The following DPP10 variants were observed in gnomAD, a reference collection of about 807,000 sequenced individuals.
The protein encoded by DPP10 is dipeptidyl peptidase like 10, also known as inactive dipeptidyl peptidase 10.
Under a neutral mutation model 120.9 loss-of-function variants are expected in DPP10, and 33 were observed. That is an observed-to-expected ratio of 0.27 (90% CI 0.21 to 0.37). The LOEUF (loss-of-function observed/expected upper bound fraction) is 0.37. DPP10 is among the 10% of genes least tolerant of loss of function. The pLI is 1.00. For synonymous variants in DPP10, 337 were observed against 326.1 expected (o/e 1.03, Z -0.36); for missense variants, 816 against 942.8 (o/e 0.87, Z 1.76).
At chr2:115,459,490 A>G (rs2073850078) in intron 3 of DPP10, among the ~76,000 whole-genome samples, 1 of 152,110 alleles carries the variant, frequency 6.6e-6, no homozygotes, top group Non-Finnish European at 1.5e-5. Context: ...TTTTCTAACC[A>G]CATGAAAGAG....
chr2:114,928,546 T>C (rs1695815014), intron 1 of DPP10, among the ~76,000 whole-genome samples: 1 of 152,188 alleles, frequency 6.6e-6, no homozygotes, highest in African/African-American at 2.4e-5. Flanking sequence ...GCAATCCCCC[T>C]GGCTGGCTGC....
At chr2:114,677,048 G>T (rs1194718210) in intron 1 of DPP10, among the ~76,000 whole-genome samples, 1 of 152,060 alleles carries the variant, frequency 6.6e-6, no homozygotes, top group African/African-American at 2.4e-5. Flanking sequence ...TGCTCATACT[G>T]GTGTGGCCCC....
intron 1 of DPP10, among the ~76,000 whole-genome samples, chr2:115,208,181 C>T (rs1031902929): frequency 6.7e-6 from 1 of 149,430 alleles, no homozygotes; most frequent in Admixed American, 6.7e-5. Context: ...CTTTGCTTTA[C>T]ATTATTTCTC....
intron 1 of DPP10, among the ~76,000 whole-genome samples, chr2:114,473,552 T>C (rs965166224): frequency 6.6e-6 from 1 of 152,190 alleles, no homozygotes; most frequent in African/African-American, 2.4e-5. Flanking sequence ...GAAATGTAGA[T>C]GTAGATGTAG....
chr2:115,457,784 C>CTAAT (rs2073694006), intron 3 of DPP10, among the ~76,000 whole-genome samples: 1 of 152,070 alleles, frequency 6.6e-6, no homozygotes, highest in South Asian at 2.1e-4. Context: ...GTACTTATTA[C>CTAAT]ATAACCCAGT....
intron 1 of DPP10, among the ~76,000 whole-genome samples, chr2:115,227,947 G>T (rs1287906058): frequency 6.7e-6 from 1 of 149,228 alleles, no homozygotes; most frequent in Admixed American, 6.7e-5. Flanking sequence ...TTGGAGACAG[G>T]GTGGTAGTCT....
intron 1 of DPP10, among the ~76,000 whole-genome samples, chr2:115,166,553 T>C (rs1447086800): frequency 1.4e-5 from 2 of 146,830 alleles, no homozygotes; most frequent in African/African-American, 4.9e-5. Context: ...AATATAAATA[T>C]ATATTATATA....
chr2:115,474,326 C>T (rs1454291099), intron 3 of DPP10, among the ~76,000 whole-genome samples: 1 of 152,188 alleles, frequency 6.6e-6, no homozygotes, highest in Non-Finnish European at 1.5e-5. Flanking sequence ...CACGAGTCCT[C>T]TGTCCTCTTA....
At chr2:114,692,239 T>C (rs1699802995) in intron 1 of DPP10, among the ~76,000 whole-genome samples, 1 of 152,122 alleles carries the variant, frequency 6.6e-6, no homozygotes, top group South Asian at 2.1e-4. Flanking sequence ...AAGTTCCCTC[T>C]TAACACTGCT....
intron 1 of DPP10, among the ~76,000 whole-genome samples, chr2:114,618,506 C>T (rs1693843385): frequency 6.6e-6 from 1 of 152,012 alleles, no homozygotes; most frequent in African/African-American, 2.4e-5. Context: ...TCACCCACCA[C>T]ATTTCAGGAA....
chr2:114,853,613 A>C (rs974886547), intron 1 of DPP10, among the ~76,000 whole-genome samples: 2 of 152,214 alleles, frequency 1.3e-5, no homozygotes, highest in African/African-American at 4.8e-5. Context: ...TGGGGGCTGC[A>C]CTTTGTGACT....
At chr2:115,461,507 AAAG>A (rs2073982757) in intron 3 of DPP10, among the ~76,000 whole-genome samples, 1 of 152,138 alleles carries the variant, frequency 6.6e-6, no homozygotes, top group Non-Finnish European at 1.5e-5. Flanking sequence ...AGACTGCTAA[AAAG>A]AATAGATTTT....
chr2:115,365,531 T>C (rs896706970), intron 3 of DPP10, among the ~76,000 whole-genome samples: 7 of 152,098 alleles, frequency 4.6e-5, no homozygotes, highest in Non-Finnish European at 1.0e-4. Flanking sequence ...TTTAAGAATT[T>C]ATTTTTTTTT....
chr2:114,836,135 C>T (rs145569190), intron 1 of DPP10, among the ~76,000 whole-genome samples: 2 of 152,138 alleles, frequency 1.3e-5, no homozygotes, highest in African/African-American at 2.4e-5. Flanking sequence ...ACCTAAAATA[C>T]CCCTTTCTCA....
chr2:114,447,921 A>T (rs1025935552), intron 1 of DPP10, among the ~76,000 whole-genome samples: 5 of 152,238 alleles, frequency 3.3e-5, no homozygotes, highest in African/African-American at 1.2e-4. Context: ...ACTCTGACAC[A>T]GCTTCCTTAT....
chr2:114,919,470 G>T (rs558350609), intron 1 of DPP10, among the ~76,000 whole-genome samples: 2 of 152,272 alleles, frequency 1.3e-5, no homozygotes, highest in African/African-American at 4.8e-5. Context: ...CTGGAAAACA[G>T]TGAATATCTT....
At chr2:115,829,955 C>G (rs1241401661) in intron 21 of DPP10, among the ~76,000 whole-genome samples, 2 of 151,944 alleles carry the variant, frequency 1.3e-5, no homozygotes. Context: ...AGGACCTAAC[C>G]TCATTTAATA....
chr2:115,775,240 A>T (rs1291818752), intron 13 of DPP10, among the ~76,000 whole-genome samples: 2 of 152,066 alleles, frequency 1.3e-5, no homozygotes, highest in African/African-American at 4.8e-5. Flanking sequence ...AAATGAAAGA[A>T]TAGCACTTAT....
chr2:114,696,972 A>G (rs1419490565), intron 1 of DPP10, among the ~76,000 whole-genome samples: 1 of 152,120 alleles, frequency 6.6e-6, no homozygotes, highest in Non-Finnish European at 1.5e-5. Flanking sequence ...ATCAAGTGAG[A>G]TGACTGAAAT....
Sources: gnomAD v4.1 joint callset for allele counts (sites outside exome capture counted in the v4.1 genomes callset) on GRCh38, gnomAD v4.1.1 for gene constraint, MANE v1.5 for transcripts, NCBI Gene and HGNC (gene_info 2026-07-23, HGNC 2026-07-21) for gene names.